Variants in DNM2 observed in about 807,000 individuals in gnomAD.
DNM2 encodes dynamin 2, also known as dynamin-2.
A neutral mutation model predicts 99.0 loss-of-function variants in DNM2; 15 were observed. That is an observed-to-expected ratio of 0.15 (90% CI 0.10 to 0.23). DNM2 has a LOEUF of 0.23. Among genes scored for constraint, DNM2 ranks in the 10% least tolerant of loss-of-function variants. DNM2 has a pLI of 1.00. For synonymous variants in DNM2, 525 were observed against 481.2 expected (o/e 1.09, Z -1.19); for missense variants, 742 against 1,189.4 (o/e 0.62, Z 5.53).
chr19:10,720,219 T>TATTTA (rs201002383), intron 1 of DNM2, among the ~76,000 whole-genome samples: 6 of 147,828 alleles, frequency 4.1e-5, no homozygotes, highest in African/African-American at 1.5e-4. Context: ...TTTATTTATT[T>TATTTA]TTTTTTTTTT....
At position 10,787,752 on chromosome 19, in the gene DNM2, CA is replaced by C. The variant is rs35556775; in HGVS notation, c.992+1065del. 2.3e-3 allele frequency among the ~76,000 whole-genome samples: 247 copies of C among 108,342 alleles called. 1 individual carries two copies. Among genetic ancestry groups the C allele is most frequent in the African/African-American group, 4.6e-3 (128 of 27,760 alleles). The allele number at this position is 108,342 out of a possible 152,430, so 71.1% of individuals were successfully genotyped here. ...CCTGGGTGATCGAGCAAGACTGTCT[CA>C]AAAAAAAAAAAAAAAAAATTGCAAA... On this transcript the variant is annotated intron_variant, in intron 7 of 20. Transcript: ENST00000389253.
chr19:10,788,252 G>A (rs1202031206), intron 7 of DNM2, among the ~76,000 whole-genome samples: 2 of 148,312 alleles, frequency 1.3e-5, no homozygotes, highest in Admixed American at 6.8e-5. Flanking sequence ...AAAAAAAAAA[G>A]AAGTTGAGTG....
At chr19:10,751,942 G>A (rs1309254001) in intron 1 of DNM2, among the ~76,000 whole-genome samples, 1 of 152,264 alleles carries the variant, frequency 6.6e-6, no homozygotes, top group African/African-American at 2.4e-5. Flanking sequence ...CCTGAACAAA[G>A]GGACACGAGA....
At chr19:10,726,845 A>G (rs1019120667) in intron 1 of DNM2, among the ~76,000 whole-genome samples, 8 of 152,192 alleles carry the variant, frequency 5.3e-5, no homozygotes, top group African/African-American at 1.9e-4. Context: ...CCTGGGCAAC[A>G]GAGCGAGACT....
At chr19:10,743,906 G>A (rs1293666736) in intron 1 of DNM2, among the ~76,000 whole-genome samples, 4 of 149,784 alleles carry the variant, frequency 2.7e-5, no homozygotes, top group African/African-American at 9.9e-5. Flanking sequence ...AGAATTGCTT[G>A]AACTCGGGAG....
chr19:10,806,943 C>T (rs916441084), intron 13 of DNM2, among the ~76,000 whole-genome samples: 5 of 152,108 alleles, frequency 3.3e-5, no homozygotes, highest in South Asian at 2.1e-4. Context: ...CTCAGGGGAG[C>T]TTGGGATAGT....
chr19:10,752,441 G>A (rs192181142), intron 1 of DNM2, among the ~76,000 whole-genome samples: 4 of 152,336 alleles, frequency 2.6e-5, no homozygotes, highest in Non-Finnish European at 4.4e-5. Context: ...CGCTGGTGGC[G>A]TCTGGGGCAT....
At chr19:10,737,549 G>A (rs996081052) in intron 1 of DNM2, among the ~76,000 whole-genome samples, 9 of 151,968 alleles carry the variant, frequency 5.9e-5, no homozygotes, top group Admixed American at 5.9e-4. Flanking sequence ...GTGGAGTGGC[G>A]ATCTTGGCTC....
chr19:10,793,030 A>G (rs1273878042), intron 7 of DNM2, among the ~76,000 whole-genome samples: 11 of 152,186 alleles, frequency 7.2e-5, no homozygotes, highest in Admixed American at 7.2e-4. Context: ...GGCATGAGCC[A>G]CCGCACCCGG....
At chr19:10,771,122 T>G (rs964060467) in intron 2 of DNM2, among the ~76,000 whole-genome samples, 1 of 152,218 alleles carries the variant, frequency 6.6e-6, no homozygotes, top group Non-Finnish European at 1.5e-5. Context: ...ATCACTACAG[T>G]AGCTGTGATC....
At chr19:10,800,347 T>C (rs2072092788) in intron 11 of DNM2, among the ~76,000 whole-genome samples, 1 of 152,182 alleles carries the variant, frequency 6.6e-6, no homozygotes, top group Non-Finnish European at 1.5e-5. Context: ...TTTGGCCAAT[T>C]GCTCCCTCAG....
intron 3 of DNM2, among the ~76,000 whole-genome samples, chr19:10,773,985 A>G (rs771425280): frequency 5.3e-5 from 8 of 152,236 alleles, no homozygotes; most frequent in Non-Finnish European, 8.8e-5. Context: ...CCAGAGGCAC[A>G]GATTGCTACC....
chr19:10,830,474 A>G lies in DNM2; in HGVS notation c.2543+96A>G. The G allele has an allele frequency of 7.2e-7, 1 of 1,380,810 alleles. No individual in the cohort carries two copies. The highest frequency in any genetic ancestry group is 1.9e-5 in the Admixed American group (1 of 52,620). The allele number at this position is 1,380,810 out of a possible 1,614,324, so 85.5% of individuals were successfully genotyped here. A position where few individuals can be genotyped will look rare whatever the true frequency, so the allele number is the denominator to read the frequency against. ...CCCAGTGAGCTCTCACTACGTGCCC[A>G]GCTGCTGGAGTGGAGGAATCGTCCT... On this transcript the variant is annotated intron_variant, in intron 20 of 20. Coordinates refer to ENST00000389253, the MANE Select transcript of DNM2 (RefSeq NM_001005361.3). The surrounding 1 kb of genome is among the most constrained non-coding windows in gnomAD (Gnocchi z 4.8).
chr19:10,753,424 TTTCCCC>T (rs2070272861), intron 1 of DNM2, among the ~76,000 whole-genome samples: 1 of 102,926 alleles, frequency 9.7e-6, no homozygotes, highest in Non-Finnish European at 1.9e-5. Context: ...CCCACTTCCC[TTTCCCC>T]TTCCCCCTTC....
intron 7 of DNM2, 29 bp from the exon 8 acceptor site, chr19:10,793,691 T>C: frequency 1.2e-6 from 2 of 1,614,202 alleles, no homozygotes; most frequent in South Asian, 1.1e-5. Context: ...ACCTCCGTTT[T>C]GATGCTTGCT....
chr19:10,812,247 T>TGC lies in DNM2; in HGVS notation c.1558-12_1558-11dup. 6.3e-7 allele frequency: 1 copy of TGC among 1,575,906 alleles called. No homozygotes were observed. Among genetic ancestry groups the TGC allele is most frequent in the Non-Finnish European group, 8.6e-7 (1 of 1,160,416 alleles). ...CACGGAGCGAGGTTCCCTGCTAAGCTGCGCGCTTTCCCCCAGGTGATCCGC... is the reference window on the plus strand; with the variant it reads ...CACGGAGCGAGGTTCCCTGCTAAGCTGCGCGCGCTTTCCCCCAGGTGATCCGC... On this transcript the variant is annotated splice_polypyrimidine_tract_variant and intron_variant, in intron 14 of 20. Transcript: ENST00000389253. The surrounding 1 kb of genome is among the most constrained non-coding windows in gnomAD (Gnocchi z 4.0).
intron 1 of DNM2, among the ~76,000 whole-genome samples, chr19:10,751,874 G>A (rs2070207664): frequency 6.6e-6 from 1 of 152,266 alleles, no homozygotes; most frequent in Non-Finnish European, 1.5e-5. Context: ...TTTTAGCAAA[G>A]CAATTTTACT....
At position 10,820,060 on chromosome 19, in the gene DNM2, C is replaced by A; in HGVS notation, c.1752C>A (p.His584Gln). 6.2e-7 allele frequency: 1 copy of A among 1,614,186 alleles called. No individual in the cohort carries two copies. The highest frequency in any genetic ancestry group is 8.5e-7 in the Non-Finnish European group (1 of 1,180,034). ...DVEKGFMSNK[H>Q]VFAIFNTEQR... Reference sequence around the variant, plus strand: ...AGAAGGGCTTCATGTCCAACAAGCACGTCTTCGCCATCTTCAACACGGAGC... The same window carrying A: ...AGAAGGGCTTCATGTCCAACAAGCAAGTCTTCGCCATCTTCAACACGGAGC... The change falls in exon 16 of 21, where the codon CAC becomes CAA. Residue 584 changes from histidine to glutamine, a missense_variant. Coordinates refer to ENST00000389253, the MANE Select transcript of DNM2 (RefSeq NM_001005361.3). The surrounding 1 kb of genome is among the most constrained non-coding windows in gnomAD (Gnocchi z 4.3).
intron 7 of DNM2, among the ~76,000 whole-genome samples, chr19:10,793,235 T>C (rs1599564653): frequency 6.6e-6 from 1 of 152,218 alleles, no homozygotes; most frequent in Admixed American, 6.5e-5. Flanking sequence ...CAACCCATTT[T>C]GTAGATGAGG....
Sources: gnomAD v4.1 joint callset for allele counts (sites outside exome capture counted in the v4.1 genomes callset) on GRCh38, gnomAD v4.1.1 for gene constraint, Gnocchi (gnomAD v3.1) non-coding constraint, MANE v1.5 for transcripts, NCBI Gene and HGNC (gene_info 2026-07-23, HGNC 2026-07-21) for gene names.